The following MEIKIN variants were observed in gnomAD, a reference collection of about 807,000 sequenced individuals.
MEIKIN encodes meiotic kinetochore factor, also known as meiosis-specific kinetochore protein.
At chr5:131,871,699 C>T (rs1323774650) in intron 9 of MEIKIN, among the ~76,000 whole-genome samples, 1 of 152,208 alleles carries the variant, frequency 6.6e-6, no homozygotes, top group Non-Finnish European at 1.5e-5. Flanking sequence ...TAGACTGCCT[C>T]CTCAAGTGGG....
At chr5:131,859,599 G>A (rs1008267149) in intron 9 of MEIKIN, among the ~76,000 whole-genome samples, 2 of 152,110 alleles carry the variant, frequency 1.3e-5, no homozygotes, top group African/African-American at 4.8e-5. Flanking sequence ...AGCTCCCTGA[G>A]GCCTCCCCAG....
intron 9 of MEIKIN, among the ~76,000 whole-genome samples, chr5:131,869,464 CTT>C (rs2149623559): frequency 6.6e-6 from 1 of 152,292 alleles, no homozygotes; most frequent in South Asian, 2.1e-4. Flanking sequence ...TATTCTGTAT[CTT>C]TTCCCTCTCC....
chr5:131,878,902 A>C (rs568308333), intron 9 of MEIKIN, 76 bp downstream of exon 9: 3 of 395,762 alleles, frequency 7.6e-6, no homozygotes, highest in African/African-American at 4.1e-5. Context: ...AGTAAATTTA[A>C]ACTGTTAGTT....
intron 7 of MEIKIN, among the ~76,000 whole-genome samples, chr5:131,914,861 T>G (rs1751392891): frequency 6.6e-6 from 1 of 152,030 alleles, no homozygotes; most frequent in East Asian, 1.9e-4. Context: ...AATATGCAGA[T>G]AGGGGTAATA....
intron 8 of MEIKIN, among the ~76,000 whole-genome samples, chr5:131,900,974 G>T (rs1320836971): frequency 6.6e-6 from 1 of 152,142 alleles, no homozygotes; most frequent in African/African-American, 2.4e-5. Flanking sequence ...ATGTATGCAT[G>T]GGTGGACCTT....
intron 8 of MEIKIN, among the ~76,000 whole-genome samples, chr5:131,887,402 T>A (rs1750818198): frequency 6.6e-6 from 1 of 152,204 alleles, no homozygotes; most frequent in African/African-American, 2.4e-5. Context: ...TCTAGAACTT[T>A]GAGGAATTGC....
At chr5:131,860,672 C>G (rs1440174416) in intron 9 of MEIKIN, among the ~76,000 whole-genome samples, 1 of 150,154 alleles carries the variant, frequency 6.7e-6, no homozygotes, top group African/African-American at 2.5e-5. Context: ...TGGTCTTGAA[C>G]TCCTCACCTC....
intron 8 of MEIKIN, among the ~76,000 whole-genome samples, chr5:131,889,032 A>G (rs1265457756): frequency 1.3e-5 from 2 of 152,204 alleles, no homozygotes; most frequent in East Asian, 1.9e-4. Context: ...GATAAGTGGC[A>G]TTATTTCTGA....
At chr5:131,808,798 A>G (rs1295147559) in intron 12 of MEIKIN, among the ~76,000 whole-genome samples, 2 of 152,180 alleles carry the variant, frequency 1.3e-5, no homozygotes, top group African/African-American at 4.8e-5. Context: ...AATTTGGGCC[A>G]AGTGTGGTGT....
intron 8 of MEIKIN, among the ~76,000 whole-genome samples, chr5:131,891,158 A>T (rs1232131020): frequency 1.3e-5 from 2 of 152,188 alleles, no homozygotes; most frequent in Non-Finnish European, 1.5e-5. Context: ...ATTTTGGAAT[A>T]GGTGTGGTGT....
chr5:131,917,795 T>C (rs56099270), intron 6 of MEIKIN, among the ~76,000 whole-genome samples: 4,032 of 152,258 alleles, frequency 0.026, 185 homozygotes, highest in African/African-American at 0.092. Context: ...ATTAGAATTT[T>C]TAAATCTCAC....
intron 6 of MEIKIN, among the ~76,000 whole-genome samples, chr5:131,918,876 A>G (rs900528877): frequency 6.6e-6 from 1 of 152,208 alleles, no homozygotes; most frequent in Non-Finnish European, 1.5e-5. Context: ...ATGGGGAACA[A>G]GCCAACACAC....
intron 9 of MEIKIN, among the ~76,000 whole-genome samples, chr5:131,861,357 C>T (rs2149619524): frequency 6.6e-6 from 1 of 152,018 alleles, no homozygotes. Context: ...CATTGCACTC[C>T]AACCTGGGCA....
intron 7 of MEIKIN, 103 bp downstream of exon 7, chr5:131,916,783 T>C (rs1751421389): frequency 5.2e-6 from 2 of 387,492 alleles, no homozygotes; most frequent in Admixed American, 4.5e-5. Flanking sequence ...CAACAAATAA[T>C]AAATGAACAC....
At chr5:131,932,951 C>A (rs974488998) in intron 5 of MEIKIN, among the ~76,000 whole-genome samples, 5 of 152,266 alleles carry the variant, frequency 3.3e-5, no homozygotes, top group Admixed American at 6.5e-5. Flanking sequence ...CCTGATTAAC[C>A]TTCCAAACTT....
intron 11 of MEIKIN, among the ~76,000 whole-genome samples, chr5:131,837,440 C>T (rs1439729346): frequency 6.6e-6 from 1 of 152,086 alleles, no homozygotes; most frequent in African/African-American, 2.4e-5. Context: ...CTATAAATTG[C>T]TTTGGGTACT....
At chr5:131,932,636 G>C (rs1751708920) in intron 5 of MEIKIN, among the ~76,000 whole-genome samples, 1 of 152,184 alleles carries the variant, frequency 6.6e-6, no homozygotes, top group African/African-American at 2.4e-5. Context: ...TAATACTACA[G>C]AGAAACGAAT....
At chr5:131,817,690 A>G (rs554489810) in intron 12 of MEIKIN, among the ~76,000 whole-genome samples, 4 of 152,136 alleles carry the variant, frequency 2.6e-5, no homozygotes, top group Non-Finnish European at 5.9e-5. Context: ...TGACAAATAC[A>G]ATTATTAAGT....
intron 9 of MEIKIN, among the ~76,000 whole-genome samples, chr5:131,874,607 T>G (rs1750576467): frequency 6.6e-6 from 1 of 152,056 alleles, no homozygotes; most frequent in Non-Finnish European, 1.5e-5. Flanking sequence ...ACTATTCCAA[T>G]CAATAGAAAA....
Sources: allele counts gnomAD v4.1 joint callset (sites outside exome capture counted in the v4.1 genomes callset), GRCh38; gene constraint gnomAD v4.1.1; transcripts MANE v1.5; gene names NCBI Gene and HGNC (gene_info 2026-07-23, HGNC 2026-07-21).